LRP5: variants seen among roughly 807,000 people sequenced by gnomAD.
The protein encoded by LRP5 is low-density lipoprotein receptor-related protein 5.
A neutral mutation model predicts 154.1 loss-of-function variants in LRP5; 62 were observed. The ratio of observed to expected loss-of-function variants is 0.40; its 90% CI spans 0.33 to 0.50. LRP5 has a LOEUF of 0.50. Among genes scored for constraint, LRP5 ranks in the 20% least tolerant of loss-of-function variants. The pLI is 0.55. For missense variants in LRP5, 1,915 were observed against 2,336.7 expected (o/e 0.82, Z 3.72); for synonymous variants, 966 against 1,011.5 (o/e 0.96, Z 0.85).
intron 1 of LRP5, among the ~76,000 whole-genome samples, chr11:68,327,112 G>C (rs1054234964): frequency 2.6e-5 from 4 of 152,226 alleles, no homozygotes; most frequent in African/African-American, 9.6e-5. Flanking sequence ...GGGGGCCTGC[G>C]GTGGGATCCC....
intron 5 of LRP5, among the ~76,000 whole-genome samples, chr11:68,378,296 G>A (rs2098638483): frequency 1.3e-5 from 2 of 152,180 alleles, no homozygotes; most frequent in South Asian, 4.1e-4. Context: ...GGTGGCTCAG[G>A]CCGCTGGGCG....
intron 1 of LRP5, among the ~76,000 whole-genome samples, chr11:68,337,126 C>T (rs980728906): frequency 7.2e-5 from 11 of 152,190 alleles, no homozygotes; most frequent in African/African-American, 2.7e-4. Context: ...CAGGGCAGCC[C>T]AGGTGTTTCT....
chr11:68,331,479 C>A (rs1221063595), intron 1 of LRP5, among the ~76,000 whole-genome samples: 2 of 152,250 alleles, frequency 1.3e-5, no homozygotes, highest in African/African-American at 4.8e-5. Context: ...CCCAGCTCTG[C>A]GGTGGAGCAG....
intron 7 of LRP5, among the ~76,000 whole-genome samples, chr11:68,393,842 G>A (rs1448112550): frequency 6.6e-6 from 1 of 152,188 alleles, no homozygotes; most frequent in Non-Finnish European, 1.5e-5. Flanking sequence ...AGCCAGCCTA[G>A]TGGGTGTCCC....
In LRP5 at chr11:68,439,875, T is replaced by G; in HGVS notation, c.4447T>G (p.Ser1483Ala). 1.3e-6 allele frequency: 2 copies of G among 1,570,030 alleles called. No individual in the cohort carries two copies. Among genetic ancestry groups the G allele is most frequent in the Non-Finnish European group, 1.7e-6 (2 of 1,159,678 alleles). ...CCGGAACCACGTCACAGGGGCCTCG[T>G]CCAGCAGCTCGTCCAGCACGAAGGC... is the stretch of plus-strand genomic sequence containing the variant. ...YDRNHVTGASSSSSSSTKATL... is the reference protein window; with the variant it reads ...YDRNHVTGASASSSSSTKATL... The change falls in exon 21 of 23, where the codon TCC becomes GCC. Residue 1483 changes from serine to alanine, a missense_variant. By Grantham distance (99) the Ser-to-Ala change is moderately conservative. Transcript: ENST00000294304.
At chr11:68,366,436 G>C (rs766598905) in intron 5 of LRP5, among the ~76,000 whole-genome samples, 9 of 152,120 alleles carry the variant, frequency 5.9e-5, no homozygotes, top group Admixed American at 1.3e-4. Context: ...AAGTGTCCTT[G>C]CTCTCACTGC....
intron 1 of LRP5, among the ~76,000 whole-genome samples, chr11:68,327,171 C>G (rs2098600191): frequency 6.6e-6 from 1 of 152,254 alleles, no homozygotes; most frequent in African/African-American, 2.4e-5. Flanking sequence ...CCAGGCTCCC[C>G]CTCCAAAGCC....
At chr11:68,340,397 G>A (rs2098608249) in intron 1 of LRP5, among the ~76,000 whole-genome samples, 2 of 152,226 alleles carry the variant, frequency 1.3e-5, no homozygotes, top group South Asian at 4.1e-4. Context: ...AGTGGATGGT[G>A]TGTGCTTTGT....
At chr11:68,444,226 A>C (rs1168975729) in intron 21 of LRP5, among the ~76,000 whole-genome samples, 1 of 152,110 alleles carries the variant, frequency 6.6e-6, no homozygotes, top group Non-Finnish European at 1.5e-5. Flanking sequence ...CTAAGAATGC[A>C]GGAATAGGCC....
chr11:68,347,417 C>T (rs1468262489), intron 1 of LRP5, among the ~76,000 whole-genome samples: 5 of 152,178 alleles, frequency 3.3e-5, no homozygotes, highest in African/African-American at 1.2e-4. Flanking sequence ...GGGTCTGTAG[C>T]GAGCAGCATG....
the LRP5 span, among the ~76,000 whole-genome samples, chr11:68,300,702 G>A: frequency 1.3e-5 from 2 of 149,372 alleles, no homozygotes; most frequent in African/African-American, 4.9e-5. Flanking sequence ...GGGGGCCGGG[G>A]GAGGTCCATG....
intron 7 of LRP5, among the ~76,000 whole-genome samples, chr11:68,391,880 C>T (rs73515038): frequency 0.073 from 11,094 of 152,210 alleles, 1,345 homozygotes; most frequent in African/African-American, 0.25. Flanking sequence ...CTCGCTCGCT[C>T]ACCCAGGCGA....
chr11:68,430,277 G>A (rs1271493544), intron 17 of LRP5, among the ~76,000 whole-genome samples: 1 of 152,198 alleles, frequency 6.6e-6, no homozygotes, highest in Non-Finnish European at 1.5e-5. Context: ...GGGTTCAAGT[G>A]ATCCTCTTGC....
chr11:68,324,780 G>A (rs2098598704), intron 1 of LRP5, among the ~76,000 whole-genome samples: 2 of 152,258 alleles, frequency 1.3e-5, no homozygotes, highest in South Asian at 2.1e-4. Flanking sequence ...TCCCAGTGTC[G>A]AAGGCCTTCT....
chr11:68,373,148 C>T (rs888621979), intron 5 of LRP5, among the ~76,000 whole-genome samples: 1 of 152,196 alleles, frequency 6.6e-6, no homozygotes, highest in Non-Finnish European at 1.5e-5. Flanking sequence ...GTCCCTGGGA[C>T]TCCCTCCTGG....
At chr11:68,374,693 C>T (rs1310996230) in intron 5 of LRP5, among the ~76,000 whole-genome samples, 1 of 152,202 alleles carries the variant, frequency 6.6e-6, no homozygotes, top group African/African-American at 2.4e-5. Flanking sequence ...CCCCCGCCCC[C>T]TCCACCACTC....
intron 21 of LRP5, among the ~76,000 whole-genome samples, chr11:68,442,738 G>T (rs576156058): frequency 6.6e-6 from 1 of 152,206 alleles, no homozygotes; most frequent in African/African-American, 2.4e-5. Context: ...ACCCATCTCC[G>T]GGAGGAGGTG....
At chr11:68,305,155 T>C in the LRP5 span, among the ~76,000 whole-genome samples, 1 of 151,844 alleles carries the variant, frequency 6.6e-6, no homozygotes, top group Non-Finnish European at 1.5e-5. Flanking sequence ...TAGTGGGAGG[T>C]TTGGGTCATG....
At chr11:68,373,561 C>G (rs901357915) in intron 5 of LRP5, among the ~76,000 whole-genome samples, 3 of 152,180 alleles carry the variant, frequency 2.0e-5, no homozygotes, top group African/African-American at 7.2e-5. Context: ...CCAGCGTGGC[C>G]GGGGCTCAGT....
Sources: allele counts gnomAD v4.1 joint callset (sites outside exome capture counted in the v4.1 genomes callset), GRCh38; gene constraint gnomAD v4.1.1; transcripts MANE v1.5; gene names NCBI Gene and HGNC (gene_info 2026-07-23, HGNC 2026-07-21).